Variants in BCL2L13 observed in about 807,000 individuals in gnomAD.
BCL2L13 encodes bcl-2-like protein 13.
A neutral mutation model predicts 25.8 loss-of-function variants in BCL2L13; 13 were observed. The observed-to-expected ratio is 0.50, with a 90% CI of 0.33 to 0.80. BCL2L13 has a LOEUF of 0.80. Ranked by LOEUF, BCL2L13 falls within the 30% of genes least tolerant of loss-of-function variation. The probability of loss-of-function intolerance (pLI) is 0.02; values close to 1 mark genes in which losing one functional copy is unlikely to be tolerated. For missense variants in BCL2L13, 504 were observed against 574.9 expected, an observed-to-expected ratio of 0.88 and a Z score of 1.26; for synonymous variants, 244 against 230.3, an observed-to-expected ratio of 1.06 and a Z score of -0.54.
intron 1 of BCL2L13, among the ~76,000 whole-genome samples, chr22:17,633,546 C>A (rs934063034): frequency 6.6e-6 from 1 of 152,062 alleles, no homozygotes; most frequent in African/African-American, 2.4e-5. Flanking sequence ...TCAGGTTAGT[C>A]AGAAAGGGAC....
intron 2 of BCL2L13, among the ~76,000 whole-genome samples, chr22:17,660,146 G>C (rs1487583593): frequency 1.4e-5 from 2 of 146,084 alleles, no homozygotes; most frequent in Non-Finnish European, 3.1e-5. Context: ...CACGAGCCAT[G>C]GCGCCTGGCC....
In BCL2L13 at chr22:17,730,523, C is replaced by CT. The variant is rs1397965270; in HGVS notation, c.*2990dup. 3.3e-5 allele frequency: 5 copies of CT among 152,158 alleles called. No homozygotes were observed. The highest frequency in any genetic ancestry group is 5.9e-5 in the Non-Finnish European group (4 of 68,014). The allele number at this position is 152,158 out of a possible 1,614,324, so 9.4% of individuals were successfully genotyped here. ...ATAATATGACAGTAAGGCAAGTAGT[C>CT]TCCTTGCCTTTCTCCTGAAAGGTAT... is the stretch of plus-strand genomic sequence containing the variant. On this transcript the variant is annotated 3_prime_UTR_variant, in exon 7 of 7. Transcript: ENST00000317582.
At chr22:17,645,225 ATTTTTTT>A (rs60836823) in intron 1 of BCL2L13, among the ~76,000 whole-genome samples, 1 of 97,640 alleles carries the variant, frequency 1.0e-5, no homozygotes, top group Non-Finnish European at 2.0e-5. Flanking sequence ...TAATAGTAGG[ATTTTTTT>A]TTTTTTTTTT....
At position 17,681,973 on chromosome 22, in the gene BCL2L13, T is replaced by TA. The variant is rs1373435302; in HGVS notation, c.122-1240dup. ...ATATGTGTATATACACATACATACATACGTACGTACATGTACATACAAAGT... is the reference window on the plus strand; with the variant it reads ...ATATGTGTATATACACATACATACATAACGTACGTACATGTACATACAAAGT... On this transcript the variant is annotated intron_variant, in intron 2 of 6. Coordinates refer to ENST00000317582, the MANE Select transcript of BCL2L13 (RefSeq NM_015367.4). 2.6e-5 allele frequency among the ~76,000 whole-genome samples: 4 copies of TA among 152,304 alleles called. No homozygotes were observed. In the East Asian group the frequency reaches 7.7e-4, roughly 29 times the overall value.
At chr22:17,669,095 C>G (rs1023649665) in intron 2 of BCL2L13, among the ~76,000 whole-genome samples, 1 of 131,140 alleles carries the variant, frequency 7.6e-6, no homozygotes, top group Non-Finnish European at 1.5e-5. Context: ...TGCAGTGGTG[C>G]GATCTCAGCT....
Position 17,727,549 on chromosome 22 carries a change from GAGAA to G in BCL2L13, c.*19_*22del, listed in dbSNP as rs1208996012. ...GAAAGAAATAGGAGGCTTTTCAGAAGAGAAAGACAGAAGGATGTAAGGTTGGAGT... is the reference window on the plus strand; with the variant it reads ...GAAAGAAATAGGAGGCTTTTCAGAAGAGACAGAAGGATGTAAGGTTGGAGT... On this transcript the variant is annotated 3_prime_UTR_variant, in exon 7 of 7. Coordinates refer to ENST00000317582, the MANE Select transcript of BCL2L13 (RefSeq NM_015367.4). The G allele has an allele frequency of 6.2e-7, 1 of 1,612,338 alleles. No homozygotes were observed. Among genetic ancestry groups the G allele is most frequent in the Non-Finnish European group, 8.5e-7 (1 of 1,178,958 alleles).
chr22:17,698,878 A>C (rs555956836), intron 5 of BCL2L13, among the ~76,000 whole-genome samples: 47 of 152,332 alleles, frequency 3.1e-4, no homozygotes, highest in African/African-American at 1.1e-3. Flanking sequence ...TTTCAAATAA[A>C]TGGAGTAATA....
At chr22:17,653,225 C>T (rs1352518356) in intron 1 of BCL2L13, among the ~76,000 whole-genome samples, 3 of 152,080 alleles carry the variant, frequency 2.0e-5, no homozygotes, top group African/African-American at 4.8e-5. Flanking sequence ...TTTCCTTATC[C>T]TTCCCAAAAC....
chr22:17,638,808 A>C lies in BCL2L13; in HGVS notation c.-129A>C, dbSNP rs905729702. ...ATTAGGGCCGCGGGTCGGAGCACTC[A>C]CCGCCGCTGGGGGACCCTGTCGGAA... On this transcript the variant is annotated 5_prime_UTR_variant, in exon 1 of 7. Coordinates refer to ENST00000317582, the MANE Select transcript of BCL2L13 (RefSeq NM_015367.4). The C allele has an allele frequency of 8.1e-7, 1 of 1,231,812 alleles. No homozygotes were observed. Among genetic ancestry groups the C allele is most frequent in the South Asian group, 4.1e-5 (1 of 24,320 alleles). 76.3% of individuals were successfully genotyped at this position (1,231,812 alleles called of 1,614,324 possible). A position where few individuals can be genotyped will look rare whatever the true frequency, so the allele number is the denominator to read the frequency against.
intron 1 of BCL2L13, among the ~76,000 whole-genome samples, chr22:17,650,373 A>G (rs2058642841): frequency 6.6e-6 from 1 of 151,982 alleles, no homozygotes; most frequent in Admixed American, 6.6e-5. Flanking sequence ...GTGGATTCTA[A>G]TGTGTTCTTT....
intron 3 of BCL2L13, among the ~76,000 whole-genome samples, chr22:17,686,404 C>G (rs2059939286): frequency 6.6e-6 from 1 of 151,896 alleles, no homozygotes; most frequent in African/African-American, 2.4e-5. Flanking sequence ...GAGCCAAGAT[C>G]ATGCCACTGT....
chr22:17,693,912 A>AT (rs1271388974), intron 4 of BCL2L13, among the ~76,000 whole-genome samples: 4 of 148,686 alleles, frequency 2.7e-5, no homozygotes, highest in South Asian at 2.1e-4. Flanking sequence ...TAATTTTTGT[A>AT]TTTTTTTTTC....
intron 1 of BCL2L13, among the ~76,000 whole-genome samples, chr22:17,646,491 C>T (rs1015971955): frequency 3.3e-5 from 5 of 150,840 alleles, no homozygotes; most frequent in Non-Finnish European, 5.9e-5. Flanking sequence ...TCAGGTGATC[C>T]GCCCACCGCA....
chr22:17,693,332 A>AGTTT (rs1409649342), intron 4 of BCL2L13, among the ~76,000 whole-genome samples: 5 of 130,276 alleles, frequency 3.8e-5, no homozygotes, highest in African/African-American at 6.3e-5. Context: ...CCTTTGGGGT[A>AGTTT]GTTTATTTAT....
upstream of BCL2L13, among the ~76,000 whole-genome samples, chr22:17,636,310 G>A (rs2058104899): frequency 6.7e-6 from 1 of 148,704 alleles, no homozygotes; most frequent in Non-Finnish European, 1.5e-5. Context: ...GCAACAGAGG[G>A]AGACTCCGTC....
rs192284126 is a variant in BCL2L13 at position 17,698,216 on chromosome 22, G to A, written c.456+2006G>A. 3.3e-3 allele frequency among the ~76,000 whole-genome samples: 502 copies of A among 151,826 alleles called. 9 individuals are homozygous for A. The highest frequency in any genetic ancestry group is 0.031 in the Admixed American group (475 of 15,238). On this transcript the variant is annotated intron_variant, in intron 5 of 6. Coordinates refer to ENST00000317582, the MANE Select transcript of BCL2L13 (RefSeq NM_015367.4). ...TGCAGCCTTTCCCTTCCGGGTTCAA[G>A]CAATTCTCCTGCCTCAACCTCCCAA...
Position 17,726,910 on chromosome 22 carries a change from G to C in BCL2L13, c.834G>C (p.Gln278His), listed in dbSNP as rs2061314636. Reference protein sequence around the residue: ...PVSLGPESWQQIAMDPEEVKS... With the variant: ...PVSLGPESWQHIAMDPEEVKS... ...CACTAGGCCCTGAGTCCTGGCAGCA[G>C]ATTGCAATGGATCCTGAAGAAGTGA... Residue 278 changes from glutamine (Q) to histidine (H), a missense_variant, in exon 7 of 7, where the codon CAG becomes CAC. Coordinates refer to ENST00000317582, the MANE Select transcript of BCL2L13 (RefSeq NM_015367.4). 6.2e-7 allele frequency: 1 copy of C among 1,614,230 alleles called. No individual in the cohort carries two copies. Among genetic ancestry groups the C allele is most frequent in the South Asian group, 1.1e-5 (1 of 91,080 alleles).
intron 6 of BCL2L13, among the ~76,000 whole-genome samples, chr22:17,724,239 C>A (rs2061233557): frequency 6.6e-6 from 1 of 152,194 alleles, no homozygotes; most frequent in Admixed American, 6.5e-5. Flanking sequence ...TGCCACTGCA[C>A]TTCAGCCTGT....
At chr22:17,647,472 G>T (rs2058536447) in intron 1 of BCL2L13, among the ~76,000 whole-genome samples, 1 of 151,902 alleles carries the variant, frequency 6.6e-6, no homozygotes, top group Admixed American at 6.6e-5. Flanking sequence ...TGACAAATTT[G>T]CTTCTTTCAG....
Sources: allele counts gnomAD v4.1 joint callset (sites outside exome capture counted in the v4.1 genomes callset), GRCh38; gene constraint gnomAD v4.1.1; transcripts MANE v1.5; gene names NCBI Gene and HGNC (gene_info 2026-07-23, HGNC 2026-07-21).